Variants in SCN3B observed in about 807,000 individuals in gnomAD.
SCN3B encodes sodium voltage-gated channel beta subunit 3, also known as sodium channel regulatory subunit beta-3.
In SCN3B, 11 loss-of-function variants were observed where a neutral mutation model predicts 25.4. That is an observed-to-expected ratio of 0.43 (90% CI 0.27 to 0.72). The LOEUF (loss-of-function observed/expected upper bound fraction) is 0.72, where lower values mean the gene tolerates loss of function less well. SCN3B is among the 30% of genes least tolerant of loss of function. The pLI is 0.18. For missense variants in SCN3B, 218 were observed against 278.3 expected, an observed-to-expected ratio of 0.78 and a Z score of 1.54; for synonymous variants, 109 against 110.7, an observed-to-expected ratio of 0.99 and a Z score of 0.09.
At chr11:123,641,332 A>G (rs554606717) in intron 4 of SCN3B, among the ~76,000 whole-genome samples, 3 of 152,328 alleles carry the variant, frequency 2.0e-5, no homozygotes, top group Admixed American at 6.5e-5. Flanking sequence ...CACTTTCAGA[A>G]TTGACCTACC....
intron 3 of SCN3B, among the ~76,000 whole-genome samples, chr11:123,643,583 G>A (rs1213972243): frequency 3.3e-5 from 5 of 152,362 alleles, no homozygotes; most frequent in Non-Finnish European, 5.9e-5. Flanking sequence ...CCACTGTATC[G>A]CACAGCACAG....
intron 2 of SCN3B, among the ~76,000 whole-genome samples, chr11:123,647,176 T>C (rs1955863371): frequency 1.3e-5 from 2 of 152,160 alleles, no homozygotes; most frequent in African/African-American, 4.8e-5. Context: ...TTGTTTGGGA[T>C]ATTTGAAAGT....
At chr11:123,639,928 C>T (rs1012072745) in intron 4 of SCN3B, 1 of 152,212 alleles carries the variant, frequency 6.6e-6, no homozygotes, top group African/African-American at 2.4e-5. Context: ...TATATCTACT[C>T]CTTGCTAGTG....
chr11:123,632,873 C>CTT lies in SCN3B; in HGVS notation c.*925_*926insAA, dbSNP rs1163135834. The CTT allele has an allele frequency of 6.6e-6, 1 of 152,218 alleles. No individual in the cohort carries two copies. Among genetic ancestry groups the CTT allele is most frequent in the African/African-American group, 2.4e-5 (1 of 41,466 alleles). The allele number at this position is 152,218 out of a possible 1,614,324, so 9.4% of individuals were successfully genotyped here. Reference sequence around the variant, plus strand: ...GCAGCACCTAAGGCTTATTTCTGCTCCAGTTTATCCTCTTAAGCCTCTTAT... The same window carrying CTT: ...GCAGCACCTAAGGCTTATTTCTGCTCTTCAGTTTATCCTCTTAAGCCTCTTAT... On this transcript the variant is annotated 3_prime_UTR_variant, in exon 7 of 7. Transcript: ENST00000299333.
At chr11:123,635,623 T>G (rs1163306935) in intron 5 of SCN3B, among the ~76,000 whole-genome samples, 1 of 151,810 alleles carries the variant, frequency 6.6e-6, no homozygotes, top group Non-Finnish European at 1.5e-5. Flanking sequence ...GAGGCAGAGC[T>G]TGGAGTGAGC....
At chr11:123,653,571 C>T (rs1002337143) in intron 2 of SCN3B, among the ~76,000 whole-genome samples, 176 bp downstream of exon 2, 8 of 152,142 alleles carry the variant, frequency 5.3e-5, no homozygotes, top group African/African-American at 1.4e-4. Context: ...GGGGAGGCGC[C>T]TTTCCCATCT....
chr11:123,647,036 G>C (rs1955861294), intron 2 of SCN3B, among the ~76,000 whole-genome samples: 1 of 152,140 alleles, frequency 6.6e-6, no homozygotes. Context: ...AGATGGAAGA[G>C]AAATTTGATT....
chr11:123,629,354 G>C lies in SCN3B; in HGVS notation c.*4445C>G, dbSNP rs1015932697. The C allele has an allele frequency of 6.6e-6, 1 of 152,182 alleles. No homozygotes were observed. Among genetic ancestry groups the C allele is most frequent in the Non-Finnish European group, 1.5e-5 (1 of 68,040 alleles). 9.4% of individuals were successfully genotyped at this position (152,182 alleles called of 1,614,324 possible). On this transcript the variant is annotated 3_prime_UTR_variant, in exon 7 of 7. Transcript: ENST00000299333. ...AAGCACTCGGCCTTCAGCGGCCTCCGTCTCCATCACACACACTGCTCAGCA... is the reference window on the plus strand; with the variant it reads ...AAGCACTCGGCCTTCAGCGGCCTCCCTCTCCATCACACACACTGCTCAGCA...
chr11:123,638,331 G>C lies in SCN3B; in HGVS notation c.446-7C>G, dbSNP rs527845801. The C allele has an allele frequency of 1.1e-5, 18 of 1,613,856 alleles. No homozygotes were observed. The highest frequency in any genetic ancestry group is 1.1e-4 in the African/African-American group (8 of 75,070). On this transcript the variant is annotated splice_polypyrimidine_tract_variant and splice_region_variant and intron_variant, in intron 4 of 6. Coordinates refer to ENST00000299333, the MANE Select transcript of SCN3B (RefSeq NM_001040151.2). ...GAGGTGAAGTCCTCTCCAGCTGAAAGAAAGAGAATGAGGTTCAGAATATGC... is the reference window on the plus strand; with the variant it reads ...GAGGTGAAGTCCTCTCCAGCTGAAACAAAGAGAATGAGGTTCAGAATATGC...
chr11:123,632,001 C>T lies in SCN3B; in HGVS notation c.*1798G>A, dbSNP rs1955678518. On this transcript the variant is annotated 3_prime_UTR_variant, in exon 7 of 7. Transcript: ENST00000299333. ...GAGGGACCTCTCTCTCGCTGAATCCCAGTCACCTTCATCTTCTTACATTCC... is the reference window on the plus strand; with the variant it reads ...GAGGGACCTCTCTCTCGCTGAATCCTAGTCACCTTCATCTTCTTACATTCC... The T allele has an allele frequency of 6.6e-6, 1 of 152,162 alleles. No homozygotes were observed. The allele number at this position is 152,162 out of a possible 1,614,324, so 9.4% of individuals were successfully genotyped here.
chr11:123,645,528 C>A, intron 3 of SCN3B, 59 bp downstream of exon 3: 2 of 1,576,716 alleles, frequency 1.3e-6, no homozygotes, highest in Non-Finnish European at 1.7e-6. Context: ...CTGTCAGGAG[C>A]CAGGCTGGGA....
At chr11:123,646,241 G>T (rs1955852393) in intron 2 of SCN3B, among the ~76,000 whole-genome samples, 1 of 152,186 alleles carries the variant, frequency 6.6e-6, no homozygotes, top group African/African-American at 2.4e-5. Context: ...TCCTAACTAG[G>T]ATTAAACCAG....
intron 5 of SCN3B, among the ~76,000 whole-genome samples, chr11:123,635,713 C>T (rs1021519525): frequency 1.7e-4 from 25 of 151,408 alleles, no homozygotes; most frequent in African/African-American, 6.0e-4. Flanking sequence ...ACAAAGGAAA[C>T]CTTCATCTCC....
chr11:123,640,386 A>G (rs1955773539), intron 4 of SCN3B: 1 of 152,302 alleles, frequency 6.6e-6, no homozygotes, highest in Non-Finnish European at 1.5e-5. Context: ...CCCAACTTGA[A>G]CAAAGAGAAC....
intron 4 of SCN3B, among the ~76,000 whole-genome samples, chr11:123,641,417 C>T (rs746180092): frequency 5.9e-5 from 9 of 152,180 alleles, no homozygotes; most frequent in East Asian, 1.9e-4. Context: ...ACTGAATCTC[C>T]GCTTCATTAT....
At chr11:123,637,732 G>A (rs2137235295) in intron 5 of SCN3B, among the ~76,000 whole-genome samples, 1 of 152,092 alleles carries the variant, frequency 6.6e-6, no homozygotes, top group Non-Finnish European at 1.5e-5. Context: ...ATTTCACCAT[G>A]TTGGTCAGAC....
intron 4 of SCN3B, 148 bp from the exon 5 acceptor site, chr11:123,638,472 G>A (rs765571727): frequency 7.9e-5 from 86 of 1,090,226 alleles, no homozygotes; most frequent in African/African-American, 7.5e-4. Flanking sequence ...TGACTCTCCC[G>A]CCCATTGGCT....
intron 2 of SCN3B, among the ~76,000 whole-genome samples, chr11:123,651,576 C>T (rs1955926149): frequency 6.6e-6 from 1 of 152,170 alleles, no homozygotes; most frequent in South Asian, 2.1e-4. Flanking sequence ...GTTGGCCAGG[C>T]TGGTCTTGAA....
At chr11:123,650,004 C>T (rs1477681981) in intron 2 of SCN3B, among the ~76,000 whole-genome samples, 1 of 152,148 alleles carries the variant, frequency 6.6e-6, no homozygotes, top group Non-Finnish European at 1.5e-5. Flanking sequence ...GCACCCAGTC[C>T]ACCACTGCCC....
Sources: gnomAD v4.1 joint callset for allele counts (sites outside exome capture counted in the v4.1 genomes callset) on GRCh38, gnomAD v4.1.1 for gene constraint, MANE v1.5 for transcripts, NCBI Gene and HGNC (gene_info 2026-07-23, HGNC 2026-07-21) for gene names.